Variants in ALMS1 observed in about 807,000 individuals in gnomAD.
ALMS1 encodes the protein centrosome-associated protein ALMS1.
ALMS1 carries 271 observed loss-of-function variants against 352.2 expected under a neutral mutation model. The observed-to-expected ratio is 0.77, with a 90% confidence interval of 0.70 to 0.85. The LOEUF (loss-of-function observed/expected upper bound fraction) is 0.85. Ranked by LOEUF, ALMS1 falls within the 40% of genes least tolerant of loss-of-function variation. ALMS1 has a pLI of 0.00. For missense variants in ALMS1, 5,445 were observed against 4,870.7 expected (o/e 1.12, Z -3.51); for synonymous variants, 1,865 against 1,761.2 (o/e 1.06, Z -1.48).
Position 73,453,559 on chromosome 2 carries a change from C to G in ALMS1, c.7032C>G (p.Cys2344Trp), listed in dbSNP as rs766399391. 3.1e-6 allele frequency: 5 copies of G among 1,613,690 alleles called. No homozygotes were observed. The East Asian group carries it at 1.1e-4, about 36-fold the overall frequency. ...KDIGTQTNLK[C>W]RRGIENWEFI... ...TTGGCACACAGACGAATTTGAAATG[C>G]CGGAGAGGCATTGAAAATTGGGAGT... The change falls in exon 8 of 23, where the codon TGC becomes TGG. Residue 2344 changes from cysteine to tryptophan, a missense_variant. By Grantham distance (215) the Cys-to-Trp change is radical (BLOSUM62 -2). Coordinates refer to ENST00000613296, the MANE Select transcript of ALMS1 (RefSeq NM_001378454.1).
At chr2:73,443,968 T>A (rs1180401826) in intron 7 of ALMS1, among the ~76,000 whole-genome samples, 4 of 152,170 alleles carry the variant, frequency 2.6e-5, no homozygotes, top group Non-Finnish European at 5.9e-5. Context: ...TTCTTTATGT[T>A]TTTTGGTGGG....
At chr2:73,516,108 A>T (rs757575243) in intron 10 of ALMS1, among the ~76,000 whole-genome samples, 1 of 152,188 alleles carries the variant, frequency 6.6e-6, no homozygotes, top group Non-Finnish European at 1.5e-5. Flanking sequence ...CAAGCAAAGA[A>T]CAACCCTATT....
chr2:73,519,874 A>G lies in ALMS1; in HGVS notation c.9639A>G (p.Leu3213=), dbSNP rs566943393. The G allele has an allele frequency of 2.4e-5, 38 of 1,614,044 alleles. No homozygotes were observed. Among genetic ancestry groups the G allele is most frequent in the South Asian group, 5.5e-5 (5 of 91,070 alleles). ...CAACAGAAAGTCCAGAAAAGACCCT[A>G]TTTTCATCTGAGATTTTTATTAATG... The part of the protein sequence containing the change: ...QITTESPEKT[L]FSSEIFINAE... Residue 3213 remains leucine, a synonymous_variant, in exon 11 of 23, where the codon CTA becomes CTG. Coordinates refer to ENST00000613296, the MANE Select transcript of ALMS1 (RefSeq NM_001378454.1).
chr2:73,555,643 A>G (rs1195931445), intron 13 of ALMS1, among the ~76,000 whole-genome samples: 2 of 152,198 alleles, frequency 1.3e-5, no homozygotes, highest in African/African-American at 4.8e-5. Flanking sequence ...CCTAAACGAT[A>G]TCAAACAATT....
intron 1 of ALMS1, among the ~76,000 whole-genome samples, chr2:73,399,753 A>G (rs1185540202): frequency 6.6e-6 from 1 of 151,948 alleles, no homozygotes; most frequent in Non-Finnish European, 1.5e-5. Flanking sequence ...TTCGAGTTTC[A>G]TTAGGTATGA....
intron 16 of ALMS1, among the ~76,000 whole-genome samples, chr2:73,584,647 C>T (rs1355468569): frequency 6.6e-6 from 1 of 152,060 alleles, no homozygotes; most frequent in Non-Finnish European, 1.5e-5. Flanking sequence ...TTTATTATTT[C>T]CATAGTTTGG....
rs1330748604 is a variant in ALMS1 at position 73,609,794 on chromosome 2, A to G, written c.*182A>G. 9.4e-6 allele frequency: 6 copies of G among 639,200 alleles called. No homozygotes were observed. Among genetic ancestry groups the G allele is most frequent in the African/African-American group, 7.3e-5 (4 of 54,546 alleles). The allele number at this position is 639,200 out of a possible 1,614,324, so 39.6% of individuals were successfully genotyped here. On this transcript the variant is annotated 3_prime_UTR_variant, in exon 23 of 23. Transcript: ENST00000613296. ...TAAAATTCCTAATGGTTTGGGAGCA[A>G]TACTTTCTGCATAGTGGCCTTGTCC...
intron 1 of ALMS1, among the ~76,000 whole-genome samples, chr2:73,395,828 T>C (rs1250046621): frequency 6.6e-6 from 1 of 152,140 alleles, no homozygotes; most frequent in Non-Finnish European, 1.5e-5. Flanking sequence ...AAATATTCAA[T>C]AGGAGGGGTA....
chr2:73,419,489 G>A (rs1671245529), intron 3 of ALMS1, among the ~76,000 whole-genome samples, 171 bp downstream of exon 3: 1 of 152,122 alleles, frequency 6.6e-6, no homozygotes, highest in Admixed American at 6.6e-5. Flanking sequence ...CTGGCTAGCT[G>A]ATCTAATTAT....
At chr2:73,566,699 C>G (rs1378368319) in intron 15 of ALMS1, among the ~76,000 whole-genome samples, 1 of 152,158 alleles carries the variant, frequency 6.6e-6, no homozygotes, top group African/African-American at 2.4e-5. Context: ...TTAGCACAGT[C>G]CCCACAGGTT....
At chr2:73,599,638 C>A in intron 17 of ALMS1, 117 bp downstream of exon 17, 1 of 1,234,002 alleles carries the variant, frequency 8.1e-7, no homozygotes, top group Non-Finnish European at 1.2e-6. Flanking sequence ...ATCCAACTGC[C>A]AATTTTCATC....
intron 10 of ALMS1, among the ~76,000 whole-genome samples, chr2:73,493,346 TACACACACACAC>T (rs55857864): frequency 2.1e-5 from 3 of 144,418 alleles, no homozygotes; most frequent in Non-Finnish European, 4.6e-5. Context: ...TAAGGCAAAC[TACACACACACAC>T]ACACACACAC....
chr2:73,491,251 A>G lies in ALMS1; in HGVS notation c.9292A>G (p.Thr3098Ala), dbSNP rs1280854716. 1.9e-6 allele frequency: 3 copies of G among 1,614,086 alleles called. No homozygotes were observed. The highest frequency in any genetic ancestry group is 2.5e-6 in the Non-Finnish European group (3 of 1,179,986). The change falls in exon 10 of 23, where the codon ACC (threonine) becomes GCC (alanine). Residue 3098 changes from threonine (T) to alanine (A), a missense_variant. Thr to Ala is a moderately conservative substitution (Grantham distance 58, BLOSUM62 0). Transcript: ENST00000613296. Reference sequence around the variant, plus strand: ...TGTATCTTCGAGATCACTGGAACCAACCTCCAAATTATTGACCAGTAAACC... The same window carrying G: ...TGTATCTTCGAGATCACTGGAACCAGCCTCCAAATTATTGACCAGTAAACC... ...HTVSSRSLEP[T>A]SKLLTSKPVA... is the part of the protein sequence containing the mutation.
In ALMS1 at chr2:73,452,818, CAG is replaced by C; in HGVS notation, c.6297_6298del (p.Lys2100IlefsTer12). On this transcript the variant is annotated frameshift_variant, in exon 8 of 23. Coordinates refer to ENST00000613296, the MANE Select transcript of ALMS1 (RefSeq NM_001378454.1). LOFTEE classifies it high-confidence loss of function. ...PVSLSSSYFH[R>X]EKSNIFSPQE... is the part of the protein sequence containing the mutation. ...TATCTCTCTCTAGTTCTTATTTTCA[CAG>C]AGAGAAATCGAATATTTTCAGTCCA... 1 of 1,613,740 alleles carries C rather than the reference CAG, an allele frequency of 6.2e-7. No homozygotes were observed. Among genetic ancestry groups the C allele is most frequent in the Non-Finnish European group, 8.5e-7 (1 of 1,179,958 alleles).
At chr2:73,466,058 C>G (rs892300508) in intron 9 of ALMS1, among the ~76,000 whole-genome samples, 1 of 152,164 alleles carries the variant, frequency 6.6e-6, no homozygotes, top group Non-Finnish European at 1.5e-5. Context: ...AGTTCAACCA[C>G]TGTGGAAGTC....
Position 73,451,160 on chromosome 2 carries a change from G to C in ALMS1, c.4633G>C (p.Glu1545Gln). The change falls in exon 8 of 23, where the codon GAA (glutamate) becomes CAA (glutamine). Residue 1545 changes from glutamate to glutamine, a missense_variant. Glu to Gln is a conservative substitution (Grantham distance 29). Coordinates refer to ENST00000613296, the MANE Select transcript of ALMS1 (RefSeq NM_001378454.1). ...QLALLGSQIP[E>Q]EALRVSSAPG... Reference sequence around the variant, plus strand: ...GGCATTGCTAGGTAGTCAAATACCTGAAGAGGCTCTCAGAGTTTCTTCTGC... The same window carrying C: ...GGCATTGCTAGGTAGTCAAATACCTCAAGAGGCTCTCAGAGTTTCTTCTGC... The C allele has an allele frequency of 6.2e-7, 1 of 1,614,032 alleles. No individual in the cohort carries two copies. Among genetic ancestry groups the C allele is most frequent in the Non-Finnish European group, 8.5e-7 (1 of 1,179,994 alleles).
chr2:73,581,518 G>T (rs992145894), intron 16 of ALMS1, among the ~76,000 whole-genome samples: 10 of 152,228 alleles, frequency 6.6e-5, no homozygotes, highest in Admixed American at 2.0e-4. Context: ...CTTCTACCTT[G>T]TGCTGATGGC....
intron 7 of ALMS1, among the ~76,000 whole-genome samples, chr2:73,434,025 T>G (rs898168733): frequency 1.3e-5 from 2 of 152,160 alleles, no homozygotes; most frequent in Non-Finnish European, 2.9e-5. Flanking sequence ...TCTAGTTAAA[T>G]TTTGTCAATT....
rs573142708 is a variant in ALMS1 at position 73,479,100 on chromosome 2, A to C, written c.7675-10534A>C. Among the ~76,000 whole-genome samples, 24 of 152,222 alleles carry C rather than the reference A, an allele frequency of 1.6e-4. No homozygotes were observed. The South Asian group carries it at 5.0e-3, about 32-fold the overall frequency. The stretch of plus-strand genomic sequence containing the variant: ...TATCCAGTCTATCATTGATGGGCAA[A>C]AAGTGGCATTTTTAAAGTGTTAGTT... On this transcript the variant is annotated intron_variant, in intron 9 of 22. Coordinates refer to ENST00000613296, the MANE Select transcript of ALMS1 (RefSeq NM_001378454.1).
Sources: gnomAD v4.1 joint callset for allele counts (sites outside exome capture counted in the v4.1 genomes callset) on GRCh38, gnomAD v4.1.1 for gene constraint, MANE v1.5 for transcripts, NCBI Gene and HGNC (gene_info 2026-07-23, HGNC 2026-07-21) for gene names.